The following ARHGAP19 variants were observed in gnomAD, a reference collection of about 807,000 sequenced individuals.
ARHGAP19 encodes rho GTPase-activating protein 19.
ARHGAP19 carries 48 observed loss-of-function variants against 60.9 expected under a neutral mutation model. That is an observed-to-expected ratio of 0.79 (90% CI 0.62 to 1.00). ARHGAP19 has a LOEUF of 1.00. ARHGAP19 is among the 50% of genes least tolerant of loss of function. ARHGAP19 has a pLI of 0.00. For synonymous variants in ARHGAP19, 209 were observed against 215.5 expected, an observed-to-expected ratio of 0.97 and a Z score of 0.27; for missense variants, 562 against 597.2, an observed-to-expected ratio of 0.94 and a Z score of 0.61.
At position 97,229,762 on chromosome 10, in the gene ARHGAP19, A is replaced by C; in HGVS notation, c.1395+2T>G. ...CAGACAGTCCAAAGAACAGTGTCTT[A>C]CTAAGTTCCTATTTTCTTTGCTGGT... is the stretch of plus-strand genomic sequence containing the variant. On this transcript the variant is annotated splice_donor_variant, in intron 10 of 11. Transcript: ENST00000358531. LOFTEE classifies it high-confidence loss of function. 6.3e-7 allele frequency: 1 copy of C among 1,575,834 alleles called. No homozygotes were observed. Among genetic ancestry groups the C allele is most frequent in the Non-Finnish European group, 8.7e-7 (1 of 1,147,116 alleles).
intron 3 of ARHGAP19, 31 bp downstream of exon 3, chr10:97,264,791 TAAAC>T: frequency 1.3e-6 from 2 of 1,523,946 alleles, no homozygotes; most frequent in Non-Finnish European, 1.8e-6. Flanking sequence ...AATTCTTCAT[TAAAC>T]AAAGAATGAT....
Position 97,264,855 on chromosome 10 carries a change from A to G in ARHGAP19, c.374T>C (p.Ile125Thr). 1 of 1,612,376 alleles carries G rather than the reference A, an allele frequency of 6.2e-7. No individual in the cohort carries two copies. The highest frequency in any genetic ancestry group is 8.5e-7 in the Non-Finnish European group (1 of 1,179,112). ...GTGTAGATACTCAATCAGTTGGTAT[A>G]TCTGGGCAATGCCTTCCTCCGTCAG... ...SPLTEEGIAQIYQLIEYLHKN... is the reference protein window; with the variant it reads ...SPLTEEGIAQTYQLIEYLHKN... The change falls in exon 3 of 12, where the codon ATA becomes ACA. Residue 125 changes from isoleucine to threonine, a missense_variant. Ile to Thr is a moderately conservative substitution (Grantham distance 89). Transcript: ENST00000358531.
intron 1 of ARHGAP19, among the ~76,000 whole-genome samples, chr10:97,279,343 C>T (rs1319463283): frequency 6.6e-6 from 1 of 152,080 alleles, no homozygotes; most frequent in Non-Finnish European, 1.5e-5. Flanking sequence ...TAAGGTCTGC[C>T]CTTAGGAGTA....
At chr10:97,258,749 GAGACCCTGTCTCAAAAAAACAGAAAAAA>G (rs1842788754) in intron 5 of ARHGAP19, 2 of 152,558 alleles carry the variant, frequency 1.3e-5, no homozygotes, top group Admixed American at 1.3e-4. Context: ...GCAACAAAAC[GAGACCCTGTCTCAAAAAAACAGAAAAAA>G]AGACTTCAGA....
intron 8 of ARHGAP19, among the ~76,000 whole-genome samples, chr10:97,240,504 A>G (rs1842462083): frequency 6.6e-6 from 1 of 152,164 alleles, no homozygotes; most frequent in Non-Finnish European, 1.5e-5. Flanking sequence ...ATACAAAATT[A>G]GCCAGGCATG....
At chr10:97,264,268 A>C (rs1842868465) in intron 3 of ARHGAP19, among the ~76,000 whole-genome samples, 1 of 152,140 alleles carries the variant, frequency 6.6e-6, no homozygotes. Flanking sequence ...CCTAGGCAAT[A>C]TGGCAAAATC....
rs1248864282 is a variant in ARHGAP19 at position 97,223,842 on chromosome 10, C to T, written c.*2280G>A. 1 of 152,132 alleles carries T rather than the reference C, an allele frequency of 6.6e-6. No individual in the cohort carries two copies. The highest frequency in any genetic ancestry group is 6.5e-5 in the Admixed American group (1 of 15,276). The allele number at this position is 152,132 out of a possible 1,614,324, so 9.4% of individuals were successfully genotyped here. On this transcript the variant is annotated 3_prime_UTR_variant, in exon 12 of 12. Coordinates refer to ENST00000358531, the MANE Select transcript of ARHGAP19 (RefSeq NM_032900.6). ...ACAAGGTAGAAGGTTATGCTGCTTA[C>T]TCCTCAAATTTGGATTCTAAGTCGA...
chr10:97,248,122 T>C (rs1250718841), intron 6 of ARHGAP19, among the ~76,000 whole-genome samples: 1 of 152,250 alleles, frequency 6.6e-6, no homozygotes, highest in Admixed American at 6.5e-5. Flanking sequence ...CCCACCATCA[T>C]GCCCGGCTAA....
rs1842705121 is a variant in ARHGAP19, at chr10:97,252,909, C to A, written c.927+3409G>T. On this transcript the variant is annotated intron_variant, in intron 6 of 11. Transcript: ENST00000358531. Reference sequence around the variant, plus strand: ...AAAGATATGTAATCAACGTAAGTGTCCATCAATGGATGAATGATAAAGAAA... The same window carrying A: ...AAAGATATGTAATCAACGTAAGTGTACATCAATGGATGAATGATAAAGAAA... 2.0e-5 allele frequency among the ~76,000 whole-genome samples: 3 copies of A among 152,112 alleles called. No individual in the cohort carries two copies. The South Asian group carries it at 6.2e-4, about 31-fold the overall frequency.
At chr10:97,247,702 G>A (rs915542957) in intron 6 of ARHGAP19, among the ~76,000 whole-genome samples, 2 of 149,850 alleles carry the variant, frequency 1.3e-5, no homozygotes, top group Non-Finnish European at 3.0e-5. Flanking sequence ...GAAAGGAAGG[G>A]AGGGAGAGAA....
chr10:97,269,841 A>C (rs1410374179), intron 1 of ARHGAP19, among the ~76,000 whole-genome samples: 1 of 152,212 alleles, frequency 6.6e-6, no homozygotes, highest in Non-Finnish European at 1.5e-5. Flanking sequence ...ACACATACAT[A>C]CCTAAAACTT....
chr10:97,270,727 T>C, intron 1 of ARHGAP19: 1 of 1,505,802 alleles, frequency 6.6e-7, no homozygotes, highest in Middle Eastern at 1.7e-4. Context: ...CTACGCAAAT[T>C]CCAGACATGT....
intron 6 of ARHGAP19, among the ~76,000 whole-genome samples, chr10:97,251,252 A>AAGGAGAC: frequency 5.9e-5 from 1 of 16,938 alleles, no homozygotes; most frequent in East Asian, 1.9e-3. Flanking sequence ...GGGAAGGGGG[A>AAGGAGAC]GGGAAGGGGA....
chr10:97,227,446 A>G (rs974221547), intron 11 of ARHGAP19, among the ~76,000 whole-genome samples: 2 of 152,214 alleles, frequency 1.3e-5, no homozygotes, highest in Non-Finnish European at 2.9e-5. Context: ...AACGAACAGA[A>G]CTTAAGAGCA....
chr10:97,253,957 G>A (rs1842723040), intron 6 of ARHGAP19, among the ~76,000 whole-genome samples: 1 of 152,086 alleles, frequency 6.6e-6, no homozygotes, highest in Non-Finnish European at 1.5e-5. Context: ...ATCTCCCATG[G>A]ATAAGAGGGA....
At chr10:97,226,441 A>G (rs1850896256) in intron 11 of ARHGAP19, among the ~76,000 whole-genome samples, 1 of 152,228 alleles carries the variant, frequency 6.6e-6, no homozygotes, top group African/African-American at 2.4e-5. Context: ...TTTACAGAGT[A>G]AGAATCTGCA....
At chr10:97,268,730 T>C (rs898574201) in intron 1 of ARHGAP19, among the ~76,000 whole-genome samples, 3 of 152,182 alleles carry the variant, frequency 2.0e-5, no homozygotes, top group Admixed American at 1.3e-4. Flanking sequence ...GCCCCCATGA[T>C]TCAATTACCT....
intron 8 of ARHGAP19, 117 bp downstream of exon 8, chr10:97,243,851 G>T: frequency 1.0e-6 from 1 of 980,348 alleles, no homozygotes; most frequent in South Asian, 1.7e-5. Flanking sequence ...CCATAGACAA[G>T]CCTGATTTCT....
chr10:97,238,157 GA>G (rs926570726), intron 8 of ARHGAP19, among the ~76,000 whole-genome samples: 2 of 152,152 alleles, frequency 1.3e-5, no homozygotes, highest in Non-Finnish European at 2.9e-5. Context: ...TGATATTAAT[GA>G]TCCTGTGTAG....
Sources: gnomAD v4.1 joint callset for allele counts (sites outside exome capture counted in the v4.1 genomes callset) on GRCh38, gnomAD v4.1.1 for gene constraint, MANE v1.5 for transcripts, NCBI Gene and HGNC (gene_info 2026-07-23, HGNC 2026-07-21) for gene names.